RAB20: variants seen among roughly 807,000 people sequenced by gnomAD.
The protein encoded by RAB20 is ras-related protein Rab-20.
Under a neutral mutation model 3.7 loss-of-function variants are expected in RAB20, and 2 were observed. That is an observed-to-expected ratio of 0.54 (90% CI 0.22 to 1.69). The LOEUF (loss-of-function observed/expected upper bound fraction) is 1.69, where lower values mean the gene tolerates loss of function less well. Ranked by LOEUF, RAB20 falls within the 40% of genes most tolerant of loss-of-function variation. The pLI is 0.19. For missense variants in RAB20, 276 were observed against 311.9 expected (o/e 0.88, Z 0.87); for synonymous variants, 126 against 130.8 (o/e 0.96, Z 0.25).
chr13:110,545,384 C>A (rs942907846), intron 1 of RAB20, among the ~76,000 whole-genome samples: 2 of 152,124 alleles, frequency 1.3e-5, no homozygotes, highest in Non-Finnish European at 2.9e-5. Flanking sequence ...CAAAATAGTG[C>A]CCATCCTAGC....
intron 1 of RAB20, among the ~76,000 whole-genome samples, chr13:110,549,046 T>G (rs1166678542): frequency 1.3e-5 from 2 of 152,234 alleles, no homozygotes; most frequent in African/African-American, 4.8e-5. Context: ...GACACTACCC[T>G]GACTTCCTTG....
chr13:110,561,377 G>A lies in RAB20; in HGVS notation c.143C>T (p.Ser48Phe), dbSNP rs758077568. The A allele has an allele frequency of 1.2e-6, 2 of 1,608,892 alleles. No individual in the cohort carries two copies. Among genetic ancestry groups the A allele is most frequent in the Non-Finnish European group, 1.7e-6 (2 of 1,177,792 alleles). Reference sequence around the variant, plus strand: ...GGTGTCCCAGATGGAGATGTTGTAGGAGCGCCACTGCTTCAGGTAGAAGGC... The same window carrying A: ...GGTGTCCCAGATGGAGATGTTGTAGAAGCGCCACTGCTTCAGGTAGAAGGC... ...GGAFYLKQWRSYNISIWDTAG... is the reference protein window; with the variant it reads ...GGAFYLKQWRFYNISIWDTAG... The change falls in exon 1 of 2, where the codon TCC becomes TTC. Residue 48 changes from serine to phenylalanine, a missense_variant. Transcript: ENST00000267328.
At chr13:110,532,417 C>T (rs578064583) in intron 1 of RAB20, among the ~76,000 whole-genome samples, 121 of 152,250 alleles carry the variant, frequency 7.9e-4, no homozygotes, top group African/African-American at 2.8e-3. Flanking sequence ...TGCTCTGTTG[C>T]CCAGGCTGGA....
chr13:110,546,705 T>TG (rs1003990580), intron 1 of RAB20, among the ~76,000 whole-genome samples: 1 of 145,416 alleles, frequency 6.9e-6, no homozygotes, highest in African/African-American at 2.5e-5. Context: ...CTTCTGTTTT[T>TG]TTTTGTTTTT....
chr13:110,547,350 C>G (rs1034652617), intron 1 of RAB20, among the ~76,000 whole-genome samples: 2 of 152,204 alleles, frequency 1.3e-5, no homozygotes, highest in Non-Finnish European at 2.9e-5. Context: ...ACGGGGAAAG[C>G]GTTAACAGGA....
chr13:110,558,158 A>G (rs1009760792), intron 1 of RAB20, among the ~76,000 whole-genome samples: 3 of 152,208 alleles, frequency 2.0e-5, no homozygotes, highest in Non-Finnish European at 4.4e-5. Context: ...AACACAGAGG[A>G]GCACAGCAGT....
In RAB20 at chr13:110,523,502, G is replaced by T; in HGVS notation, c.*163C>A. On this transcript the variant is annotated 3_prime_UTR_variant, in exon 2 of 2. Coordinates refer to ENST00000267328, the MANE Select transcript of RAB20 (RefSeq NM_017817.3). Reference sequence around the variant, plus strand: ...AGAGACTGAGGAGACCACACACGTTGACCTCCTCTTCATAGCCAGCCATCA... The same window carrying T: ...AGAGACTGAGGAGACCACACACGTTTACCTCCTCTTCATAGCCAGCCATCA... 28 of 1,257,334 alleles carry T rather than the reference G, an allele frequency of 2.2e-5. No homozygotes were observed. Among genetic ancestry groups the T allele is most frequent in the Non-Finnish European group, 2.8e-5 (26 of 933,690 alleles). 77.9% of individuals were successfully genotyped at this position (1,257,334 alleles called of 1,614,324 possible).
intron 1 of RAB20, among the ~76,000 whole-genome samples, chr13:110,528,421 A>AC (rs1306929728): frequency 1.3e-5 from 2 of 151,574 alleles, no homozygotes; most frequent in South Asian, 2.1e-4. Context: ...CTCAAAAAAA[A>AC]AAAAAACAAA....
chr13:110,524,807 T>C (rs185345684), intron 1 of RAB20, among the ~76,000 whole-genome samples: 1 of 152,254 alleles, frequency 6.6e-6, no homozygotes, highest in East Asian at 1.9e-4. Flanking sequence ...GCTCACGATA[T>C]TTTTAGGACA....
At chr13:110,554,869 C>A (rs762286937) in intron 1 of RAB20, among the ~76,000 whole-genome samples, 1 of 152,136 alleles carries the variant, frequency 6.6e-6, no homozygotes, top group African/African-American at 2.4e-5. Context: ...CCTTGCATTT[C>A]GGCTTGGGAG....
chr13:110,527,214 C>T (rs565325399), intron 1 of RAB20, among the ~76,000 whole-genome samples: 125 of 152,172 alleles, frequency 8.2e-4, no homozygotes, highest in Non-Finnish European at 1.2e-3. Context: ...CCTTGCTGGG[C>T]GATGCTGCCT....
intron 1 of RAB20, among the ~76,000 whole-genome samples, chr13:110,542,212 T>A (rs2139583087): frequency 6.6e-6 from 1 of 152,224 alleles, no homozygotes; most frequent in Middle Eastern, 3.4e-3. Flanking sequence ...ACAAGCAAAA[T>A]TTGTAAATAT....
At chr13:110,552,378 C>CA (rs34348476) in intron 1 of RAB20, among the ~76,000 whole-genome samples, 46,266 of 121,166 alleles carry the variant, frequency 0.38, 8,039 homozygotes, top group East Asian at 0.54. Context: ...GACTCTGTCT[C>CA]AAAAAAAAAA....
intron 1 of RAB20, among the ~76,000 whole-genome samples, chr13:110,535,591 T>C (rs755455450): frequency 6.6e-6 from 1 of 152,216 alleles, no homozygotes; most frequent in Non-Finnish European, 1.5e-5. Flanking sequence ...CCACCTCTCC[T>C]CCTCCTGCCT....
In RAB20 at chr13:110,561,713, G is replaced by A; in HGVS notation, c.-194C>T. The A allele has an allele frequency of 1.0e-6, 1 of 1,003,510 alleles. No individual in the cohort carries two copies. The highest frequency in any genetic ancestry group is 1.3e-6 in the Non-Finnish European group (1 of 763,910). 62.2% of individuals were successfully genotyped at this position (1,003,510 alleles called of 1,614,324 possible). On this transcript the variant is annotated 5_prime_UTR_variant, in exon 1 of 2. Coordinates refer to ENST00000267328, the MANE Select transcript of RAB20 (RefSeq NM_017817.3). ...CGTGTGCGCGCCCGGGAAGGAGCTG[G>A]GTGCAGAGCACGGAGCCCACGTCGG...
chr13:110,525,914 C>T (rs1884421527), intron 1 of RAB20, among the ~76,000 whole-genome samples: 1 of 152,246 alleles, frequency 6.6e-6, no homozygotes, highest in Non-Finnish European at 1.5e-5. Context: ...TTCACAGACG[C>T]TCCTGGTGAT....
intron 1 of RAB20, among the ~76,000 whole-genome samples, chr13:110,551,133 C>T (rs2139588275): frequency 6.6e-6 from 1 of 152,236 alleles, no homozygotes; most frequent in East Asian, 1.9e-4. Flanking sequence ...CAGAGCAAAA[C>T]ATTACATTCT....
chr13:110,537,568 A>T, intron 1 of RAB20, among the ~76,000 whole-genome samples: 1 of 151,814 alleles, frequency 6.6e-6, no homozygotes, highest in East Asian at 1.9e-4. Flanking sequence ...TCATAAACAG[A>T]CCAACCTCAG....
chr13:110,539,367 G>C (rs1424670202), intron 1 of RAB20, among the ~76,000 whole-genome samples: 2 of 151,974 alleles, frequency 1.3e-5, no homozygotes, highest in Non-Finnish European at 2.9e-5. Flanking sequence ...AATACTGACC[G>C]ACAGCCATCC....
Sources: gnomAD v4.1 joint callset for allele counts (sites outside exome capture counted in the v4.1 genomes callset) on GRCh38, gnomAD v4.1.1 for gene constraint, MANE v1.5 for transcripts, NCBI Gene and HGNC (gene_info 2026-07-23, HGNC 2026-07-21) for gene names.